Variants in ADAMTS19 observed in about 807,000 individuals in gnomAD.
ADAMTS19 encodes the protein ADAM metallopeptidase with thrombospondin type 1 motif 19.
A neutral mutation model predicts 153.3 loss-of-function variants in ADAMTS19; 93 were observed. The ratio of observed to expected loss-of-function variants is 0.61; its 90% CI spans 0.51 to 0.72. The LOEUF is 0.72. Ranked by LOEUF, ADAMTS19 falls within the 30% of genes least tolerant of loss-of-function variation. The pLI is 0.00. For synonymous variants in ADAMTS19, 600 were observed against 556.6 expected (o/e 1.08, Z -1.10); for missense variants, 1,482 against 1,552.1 (o/e 0.95, Z 0.76).
intron 19 of ADAMTS19, among the ~76,000 whole-genome samples, chr5:129,696,497 G>C (rs1755561292): frequency 1.3e-5 from 2 of 152,176 alleles, no homozygotes. Flanking sequence ...TTTAGATACT[G>C]TAAACCAAAA....
At position 129,460,360 on chromosome 5, in the gene ADAMTS19, CG is replaced by C. The variant is rs770534782; in HGVS notation, c.-29del. ...AGTGGATCGCGCTGGAGGCGTGCGC[CG>C]GGCGAGAAGCCGCGGCCGCGGGAGC... On this transcript the variant is annotated 5_prime_UTR_variant, in exon 1 of 23. Coordinates refer to ENST00000274487, the MANE Select transcript of ADAMTS19 (RefSeq NM_133638.6). The C allele has an allele frequency of 1.3e-6, 2 of 1,596,824 alleles. No homozygotes were observed. The highest frequency in any genetic ancestry group is 1.7e-6 in the Non-Finnish European group (2 of 1,168,556).
intron 10 of ADAMTS19, among the ~76,000 whole-genome samples, chr5:129,625,943 C>T (rs1374409366): frequency 6.6e-6 from 1 of 152,002 alleles, no homozygotes; most frequent in Admixed American, 6.6e-5. Context: ...AATGGTATTA[C>T]CTAGGTTTTC....
chr5:129,683,093 T>C (rs1487061686), intron 17 of ADAMTS19, among the ~76,000 whole-genome samples: 1 of 152,084 alleles, frequency 6.6e-6, no homozygotes, highest in Non-Finnish European at 1.5e-5. Context: ...TATCATATTA[T>C]ATTATATAGA....
intron 2 of ADAMTS19, among the ~76,000 whole-genome samples, chr5:129,493,459 T>C (rs1026413954): frequency 6.6e-6 from 1 of 150,918 alleles, no homozygotes; most frequent in African/African-American, 2.5e-5. Context: ...GCATTTCATC[T>C]GTTAATTCCC....
At chr5:129,610,406 A>T (rs1408689067) in intron 8 of ADAMTS19, among the ~76,000 whole-genome samples, 1 of 152,056 alleles carries the variant, frequency 6.6e-6, no homozygotes, top group Non-Finnish European at 1.5e-5. Context: ...TGTCAGTTAC[A>T]TTGGGTATAT....
At chr5:129,697,127 A>T (rs1233260399) in intron 19 of ADAMTS19, among the ~76,000 whole-genome samples, 1 of 152,176 alleles carries the variant, frequency 6.6e-6, no homozygotes, top group African/African-American at 2.4e-5. Flanking sequence ...ATATTATAGT[A>T]GAGTCAGGTT....
At chr5:129,712,286 T>A (rs1319948614) in intron 21 of ADAMTS19, among the ~76,000 whole-genome samples, 1 of 152,130 alleles carries the variant, frequency 6.6e-6, no homozygotes, top group Non-Finnish European at 1.5e-5. Context: ...AAATCAAAGA[T>A]TGTGAGCTTA....
intron 13 of ADAMTS19, among the ~76,000 whole-genome samples, chr5:129,649,734 G>T (rs1442077795): frequency 6.6e-6 from 1 of 152,172 alleles, no homozygotes; most frequent in Non-Finnish European, 1.5e-5. Context: ...TCCTGGGTTT[G>T]CTGTAGTTCT....
intron 19 of ADAMTS19, among the ~76,000 whole-genome samples, chr5:129,695,419 A>G (rs1036321025): frequency 1.3e-5 from 2 of 152,096 alleles, no homozygotes; most frequent in East Asian, 1.9e-4. Context: ...ACACCCCCCA[A>G]TGAGTATTAG....
chr5:129,735,848 C>T (rs983009726), intron 22 of ADAMTS19, among the ~76,000 whole-genome samples: 1 of 151,998 alleles, frequency 6.6e-6, no homozygotes, highest in Non-Finnish European at 1.5e-5. Context: ...TAACAGCACT[C>T]TTGCCTCATT....
intron 3 of ADAMTS19, 23 bp downstream of exon 3, chr5:129,509,265 G>C: frequency 1.3e-6 from 2 of 1,597,162 alleles, no homozygotes; most frequent in African/African-American, 1.3e-5. Context: ...TCCTGAAAGA[G>C]TTTTAAGTAA....
chr5:129,465,714 C>G (rs142456977), intron 2 of ADAMTS19, among the ~76,000 whole-genome samples: 1 of 152,026 alleles, frequency 6.6e-6, no homozygotes, highest in African/African-American at 2.4e-5. Flanking sequence ...AAACACATAA[C>G]GAGGAGAACC....
intron 2 of ADAMTS19, among the ~76,000 whole-genome samples, chr5:129,480,526 GT>G (rs1427961430): frequency 6.6e-6 from 1 of 152,136 alleles, no homozygotes; most frequent in Non-Finnish European, 1.5e-5. Context: ...ACCAGAATAT[GT>G]AAAGAACTAT....
chr5:129,460,957 G>GT (rs1290785530), intron 1 of ADAMTS19, 145 bp from the exon 2 acceptor site: 1 of 1,194,874 alleles, frequency 8.4e-7, no homozygotes, highest in Non-Finnish European at 1.1e-6. Flanking sequence ...GGCTTCTGGG[G>GT]TTGCAGAGTT....
chr5:129,701,457 C>A lies in ADAMTS19; in HGVS notation c.3024C>A (p.Ala1008=). The A allele has an allele frequency of 6.2e-7, 1 of 1,614,210 alleles. No homozygotes were observed. Among genetic ancestry groups the A allele is most frequent in the South Asian group, 1.1e-5 (1 of 91,088 alleles). ...AAGGAATGCAGAGCAGACAAGTGGC[C>A]TGTACCCAACAACTGAGCAATGGAA... ...CGKGMQSRQV[A]CTQQLSNGTL... is the part of the protein sequence containing the mutation. Residue 1008 remains alanine (A), a synonymous_variant, in exon 20 of 23, where the codon GCC becomes GCA. Transcript: ENST00000274487.
intron 21 of ADAMTS19, among the ~76,000 whole-genome samples, chr5:129,709,471 T>C (rs889075016): frequency 2.6e-5 from 4 of 152,164 alleles, no homozygotes; most frequent in African/African-American, 9.6e-5. Flanking sequence ...TATATTGTCA[T>C]AGGAATCTGT....
chr5:129,653,553 C>T (rs1270187996), intron 13 of ADAMTS19, among the ~76,000 whole-genome samples: 2 of 152,164 alleles, frequency 1.3e-5, no homozygotes, highest in East Asian at 1.9e-4. Context: ...ACCTAGATAT[C>T]GTACACAACG....
rs1451224209 is a variant in ADAMTS19 at position 129,461,607 on chromosome 5, G to A, written c.597G>A (p.Val199=). The A allele has an allele frequency of 6.3e-7, 1 of 1,591,146 alleles. No homozygotes were observed. Among genetic ancestry groups the A allele is most frequent in the Non-Finnish European group, 8.5e-7 (1 of 1,175,794 alleles). The change falls in exon 2 of 23, where the codon GTG becomes GTA. Residue 199 remains valine, a synonymous_variant. Coordinates refer to ENST00000274487, the MANE Select transcript of ADAMTS19 (RefSeq NM_133638.6). This position sits in a 1 kb window ranked among gnomAD's most constrained non-coding sequence, Gnocchi z 4.6. The stretch of plus-strand genomic sequence containing the variant: ...GCTTCCTGGCGCCGCGCTTCGCAGT[G>A]GAACAGCGGCCAAATCCCGGCCCCG... ...DGRFLAPRFA[V]EQRPNPGPGP... is the part of the protein sequence containing the mutation.
At chr5:129,720,166 A>T (rs1469602989) in intron 21 of ADAMTS19, among the ~76,000 whole-genome samples, 1 of 140,022 alleles carries the variant, frequency 7.1e-6, no homozygotes, top group African/African-American at 2.9e-5. Flanking sequence ...ATATATATAT[A>T]TATATTTATT....
Sources: allele counts gnomAD v4.1 joint callset (sites outside exome capture counted in the v4.1 genomes callset), GRCh38; gene constraint gnomAD v4.1.1; non-coding constraint Gnocchi (gnomAD v3.1); transcripts MANE v1.5; gene names NCBI Gene and HGNC (gene_info 2026-07-23, HGNC 2026-07-21).